The following ALK variants were observed in gnomAD, a reference collection of about 807,000 sequenced individuals.
ALK encodes ALK receptor tyrosine kinase.
ALK carries 74 observed loss-of-function variants against 163.1 expected under a neutral mutation model. The ratio of observed to expected loss-of-function variants is 0.45; its 90% CI spans 0.38 to 0.55. The LOEUF is 0.55. Ranked by LOEUF, ALK falls within the 20% of genes least tolerant of loss-of-function variation. The pLI, the probability that ALK is intolerant of heterozygous loss-of-function variation, is 0.00. For synonymous variants in ALK, 960 were observed against 843.2 expected (o/e 1.14, Z -2.40); for missense variants, 2,063 against 2,105.3 (o/e 0.98, Z 0.39).
At position 29,220,767 on chromosome 2, in the gene ALK, A is replaced by C; in HGVS notation, c.3584T>G (p.Leu1195Arg). The C allele has an allele frequency of 6.2e-7, 1 of 1,614,072 alleles. No homozygotes were observed. The highest frequency in any genetic ancestry group is 8.5e-7 in the Non-Finnish European group (1 of 1,179,924). ...VSLQSLPRFI[L>R]LELMAGGDLK... ...GTCTCCCCCCGCCATGAGCTCCAGC[A>C]GGATGAACCGGGGCAGGGATTGCAG... Residue 1195 changes from leucine to arginine, a missense_variant, in exon 23 of 29, where the codon CTG becomes CGG. Around this residue, in one of 5 missense-constraint regions of ALK, gnomAD observed 575 missense variants for 626.6 expected, o/e 0.92. Transcript: ENST00000389048.
intron 3 of ALK, among the ~76,000 whole-genome samples, chr2:29,579,821 G>A (rs1278944198): frequency 2.6e-5 from 4 of 152,170 alleles, no homozygotes; most frequent in Non-Finnish European, 4.4e-5. Context: ...CTCCCAAAGA[G>A]GGCGTAATTC....
intron 4 of ALK, among the ~76,000 whole-genome samples, chr2:29,437,614 G>T (rs1441129841): frequency 2.6e-5 from 4 of 152,094 alleles, no homozygotes. Flanking sequence ...TCTTCTCAAT[G>T]GAGGTTTATT....
chr2:29,657,494 C>A (rs1397650803), intron 3 of ALK, among the ~76,000 whole-genome samples: 1 of 152,100 alleles, frequency 6.6e-6, no homozygotes, highest in Admixed American at 6.6e-5. Context: ...GAGCACCAAC[C>A]AAAGGTGCCT....
chr2:29,346,735 C>T (rs1667959954), intron 5 of ALK, among the ~76,000 whole-genome samples: 2 of 152,202 alleles, frequency 1.3e-5, no homozygotes, highest in Admixed American at 6.5e-5. Context: ...TTTACTGGCT[C>T]AGGGGTAAAC....
chr2:29,518,865 C>T (rs1672740624), intron 4 of ALK, among the ~76,000 whole-genome samples: 1 of 152,144 alleles, frequency 6.6e-6, no homozygotes, highest in South Asian at 2.1e-4. Context: ...GGAGAAGGAA[C>T]TATCATGTGT....
At chr2:29,560,927 T>A in intron 3 of ALK, among the ~76,000 whole-genome samples, 1 of 152,216 alleles carries the variant, frequency 6.6e-6, no homozygotes, top group Middle Eastern at 3.4e-3. Context: ...CTAAAACAAG[T>A]AAATTTTATA....
chr2:29,912,801 C>T (rs1175739558), intron 1 of ALK, among the ~76,000 whole-genome samples: 2 of 152,110 alleles, frequency 1.3e-5, no homozygotes, highest in South Asian at 2.1e-4. Context: ...TTCATGTCTT[C>T]GAGCTCCTAA....
intron 4 of ALK, among the ~76,000 whole-genome samples, chr2:29,516,365 C>T (rs1558361705): frequency 2.0e-5 from 3 of 152,214 alleles, no homozygotes; most frequent in Admixed American, 2.0e-4. Context: ...CATACAGATA[C>T]CATATGTGGT....
chr2:29,583,585 T>C (rs1674789139), intron 3 of ALK, among the ~76,000 whole-genome samples: 1 of 152,074 alleles, frequency 6.6e-6, no homozygotes, highest in Non-Finnish European at 1.5e-5. Flanking sequence ...ACATGCTCCA[T>C]CTGTTCTCTT....
At chr2:29,714,277 GGC>G (rs1314238881) in intron 2 of ALK, among the ~76,000 whole-genome samples, 3 of 152,128 alleles carry the variant, frequency 2.0e-5, no homozygotes, top group Non-Finnish European at 2.9e-5. Context: ...TCAACACAAA[GGC>G]GAGAAACGAC....
At chr2:29,689,891 T>C (rs1400115213) in intron 3 of ALK, among the ~76,000 whole-genome samples, 3 of 148,588 alleles carry the variant, frequency 2.0e-5, no homozygotes, top group South Asian at 2.1e-4. Context: ...ATCTACAAGC[T>C]AAGGAATGCC....
chr2:29,669,212 T>A (rs1677608974), intron 3 of ALK, among the ~76,000 whole-genome samples: 1 of 152,102 alleles, frequency 6.6e-6, no homozygotes, highest in Non-Finnish European at 1.5e-5. Context: ...TCTCTTACTA[T>A]TATTGGACTG....
intron 4 of ALK, among the ~76,000 whole-genome samples, chr2:29,401,036 C>T (rs1191761764): frequency 2.0e-5 from 3 of 152,028 alleles, no homozygotes; most frequent in Non-Finnish European, 4.4e-5. Flanking sequence ...CACTTAGTGG[C>T]TCTGGTTACA....
intron 4 of ALK, among the ~76,000 whole-genome samples, chr2:29,408,020 G>A (rs1022558391): frequency 1.3e-5 from 2 of 152,126 alleles, no homozygotes; most frequent in South Asian, 4.1e-4. Context: ...AGGAGAAAGA[G>A]TGAGTAGGCT....
At chr2:29,613,961 C>T (rs922270956) in intron 3 of ALK, among the ~76,000 whole-genome samples, 3 of 152,112 alleles carry the variant, frequency 2.0e-5, no homozygotes, top group Admixed American at 2.0e-4. Context: ...AAACAGGAGC[C>T]AGTGTTTCCT....
intron 2 of ALK, among the ~76,000 whole-genome samples, chr2:29,696,967 C>A (rs1678586728): frequency 1.3e-5 from 2 of 150,470 alleles, no homozygotes; most frequent in South Asian, 2.1e-4. Flanking sequence ...CAATAAAAAA[C>A]CCTAGGTGAT....
chr2:29,768,743 G>GTGTGTGTGTATATA (rs373708982), intron 1 of ALK, among the ~76,000 whole-genome samples: 1,516 of 150,642 alleles, frequency 0.01, 19 homozygotes, highest in African/African-American at 0.035. Context: ...GTGTGTGTGT[G>GTGTGTGTGTATATA]TATATATGTA....
At chr2:29,732,522 G>T (rs1331066986) in intron 1 of ALK, among the ~76,000 whole-genome samples, 3 of 152,212 alleles carry the variant, frequency 2.0e-5, no homozygotes, top group Non-Finnish European at 1.5e-5. Flanking sequence ...CACCCTTGGG[G>T]TGAAAAAGAC....
At chr2:29,895,015 T>A (rs142776676) in intron 1 of ALK, among the ~76,000 whole-genome samples, 65 of 152,336 alleles carry the variant, frequency 4.3e-4, no homozygotes, top group African/African-American at 1.5e-3. Context: ...TCAAGTCATG[T>A]GCTCCATATG....
Sources: gnomAD v4.1 joint callset for allele counts (sites outside exome capture counted in the v4.1 genomes callset) on GRCh38, gnomAD v4.1.1 for gene constraint, gnomAD v4.1.1 regional missense constraint, MANE v1.5 for transcripts, NCBI Gene and HGNC (gene_info 2026-07-23, HGNC 2026-07-21) for gene names.